The following PDE12 variants were observed in gnomAD, a reference collection of about 807,000 sequenced individuals.
PDE12 encodes the protein 2',5'-phosphodiesterase 12.
In PDE12, 26 loss-of-function variants were observed where a neutral mutation model predicts 45.4. The observed-to-expected ratio is 0.57, with a 90% CI of 0.42 to 0.79. The LOEUF (loss-of-function observed/expected upper bound fraction) is 0.79. PDE12 is among the 30% of genes least tolerant of loss of function. The pLI, the probability that PDE12 is intolerant of heterozygous loss-of-function variation, is 0.00. For missense variants in PDE12, 668 were observed against 790.0 expected (o/e 0.85, Z 1.85); for synonymous variants, 283 against 323.9 (o/e 0.87, Z 1.36).
the PDE12 span, chr3:57,597,003 C>T: frequency 2.6e-6 from 4 of 1,551,132 alleles, no homozygotes; most frequent in East Asian, 2.3e-5. Context: ...AAAAAACAGG[C>T]CCAGAGGCCA....
the PDE12 span, among the ~76,000 whole-genome samples, chr3:57,602,850 C>T: frequency 1.6e-4 from 24 of 152,220 alleles, no homozygotes; most frequent in South Asian, 3.9e-3. Context: ...AGATTACAGG[C>T]GTGAGCCACC....
the PDE12 span, among the ~76,000 whole-genome samples, chr3:57,609,562 A>C: frequency 6.6e-6 from 1 of 152,212 alleles, no homozygotes; most frequent in Non-Finnish European, 1.5e-5. Flanking sequence ...ATCACCACCA[A>C]TCCCACAGAA....
In PDE12 at chr3:57,557,135, A is replaced by T; in HGVS notation, c.756A>T (p.Pro252=). ...TAAGGCTCAAGCTTCACTGCACCCC[A>T]GGCGATGGGCAGCGCTTTGGGCACA... ...IGLRLKLHCT[P]GDGQRFGHSR... is the part of the protein sequence containing the mutation. The change falls in exon 1 of 3, where the codon CCA becomes CCT. Residue 252 remains proline (P), a synonymous_variant. Coordinates refer to ENST00000311180, the MANE Select transcript of PDE12 (RefSeq NM_177966.7). 1 of 1,614,006 alleles carries T rather than the reference A, an allele frequency of 6.2e-7. No homozygotes were observed. The highest frequency in any genetic ancestry group is 8.5e-7 in the Non-Finnish European group (1 of 1,179,994).
chr3:57,629,507 C>CTTT, the PDE12 span, among the ~76,000 whole-genome samples: 60 of 98,220 alleles, frequency 6.1e-4, no homozygotes, highest in African/African-American at 8.1e-4. Context: ...AATCAGTCCG[C>CTTT]TTTTTTTTTT....
the PDE12 span, among the ~76,000 whole-genome samples, chr3:57,575,024 T>C: frequency 6.6e-6 from 1 of 152,066 alleles, no homozygotes; most frequent in African/African-American, 2.4e-5. Context: ...TAATTTTGTA[T>C]TTTTAGTAGA....
At chr3:57,653,828 TG>T in the PDE12 span, among the ~76,000 whole-genome samples, 2 of 144,438 alleles carry the variant, frequency 1.4e-5, no homozygotes, top group African/African-American at 5.5e-5. Flanking sequence ...AGGAAATCAC[TG>T]GGTTTTTTTT....
At chr3:57,611,712 A>C in the PDE12 span, among the ~76,000 whole-genome samples, 2 of 152,280 alleles carry the variant, frequency 1.3e-5, no homozygotes, top group South Asian at 4.2e-4. Context: ...TTAGAATGGC[A>C]ATCATTAAAA....
At chr3:57,568,068 CAAAAAAAA>C (rs11360766), downstream of PDE12, among the ~76,000 whole-genome samples, 3 of 47,546 alleles carry the variant, frequency 6.3e-5, no homozygotes, top group East Asian at 6.2e-4. Flanking sequence ...GACTCCATCT[CAAAAAAAA>C]AAAAAAAAAA....
At chr3:57,632,666 C>A in the PDE12 span, among the ~76,000 whole-genome samples, 1 of 152,122 alleles carries the variant, frequency 6.6e-6, no homozygotes, top group Non-Finnish European at 1.5e-5. Context: ...CAAAAAGTTT[C>A]TCTATGATGC....
At chr3:57,574,857 T>C in the PDE12 span, among the ~76,000 whole-genome samples, 1 of 150,934 alleles carries the variant, frequency 6.6e-6, no homozygotes, top group African/African-American at 2.4e-5. Flanking sequence ...CCATCTCCAC[T>C]TTTTTTTTGA....
chr3:57,598,675 G>C, the PDE12 span, among the ~76,000 whole-genome samples: 2 of 152,260 alleles, frequency 1.3e-5, no homozygotes, highest in East Asian at 1.9e-4. Context: ...CAGCTACTCC[G>C]GAGGCTGAGG....
the PDE12 span, among the ~76,000 whole-genome samples, chr3:57,581,820 G>A: frequency 1.1e-4 from 16 of 152,218 alleles, no homozygotes; most frequent in Admixed American, 5.2e-4. Flanking sequence ...TGTCTAGAGG[G>A]TAGAGCACAT....
At chr3:57,624,469 T>G in the PDE12 span, among the ~76,000 whole-genome samples, 58,626 of 151,714 alleles carry the variant, frequency 0.39, 12,650 homozygotes, top group South Asian at 0.56. Flanking sequence ...TTTAAAAAAC[T>G]TTTTTTAGAG....
chr3:57,616,685 T>C, the PDE12 span, among the ~76,000 whole-genome samples: 1 of 152,162 alleles, frequency 6.6e-6, no homozygotes, highest in Non-Finnish European at 1.5e-5. Context: ...TTCCAACTCA[T>C]TCTGTGAAGC....
In PDE12 at chr3:57,562,017, A is replaced by G. The variant is rs763445198; in HGVS notation, c.*2013A>G. ...TTAACAGCAGTTTACAAATATGTAA[A>G]TAATAGATTAAAACCAAATCTTGAT... On this transcript the variant is annotated 3_prime_UTR_variant, in exon 3 of 3. Transcript: ENST00000311180. The G allele has an allele frequency of 1.7e-5, 17 of 981,906 alleles. No homozygotes were observed. The highest frequency in any genetic ancestry group is 1.9e-5 in the Non-Finnish European group (16 of 826,688). The allele number at this position is 981,906 out of a possible 1,614,324, so 60.8% of individuals were successfully genotyped here. A position where few individuals can be genotyped will look rare whatever the true frequency, so the allele number is the denominator to read the frequency against.
downstream of PDE12, among the ~76,000 whole-genome samples, chr3:57,570,219 GTTTTTTTTT>G (rs34599005): frequency 2.3e-3 from 235 of 102,332 alleles, 4 homozygotes; most frequent in African/African-American, 8.4e-3. Flanking sequence ...TTAATCCAGT[GTTTTTTTTT>G]TTTTTTTTTT....
chr3:57,589,477 T>G, the PDE12 span, among the ~76,000 whole-genome samples: 113,499 of 151,826 alleles, frequency 0.75, 44,511 homozygotes, highest in East Asian at 1. Flanking sequence ...CCCAGCACTT[T>G]GGGAGGCTGA....
chr3:57,606,879 C>G, the PDE12 span, among the ~76,000 whole-genome samples: 1 of 152,032 alleles, frequency 6.6e-6, no homozygotes, highest in African/African-American at 2.4e-5. Context: ...GCATTTCCAA[C>G]TGAGCTTTGA....
At chr3:57,602,455 G>T in the PDE12 span, among the ~76,000 whole-genome samples, 1 of 152,122 alleles carries the variant, frequency 6.6e-6, no homozygotes, top group Non-Finnish European at 1.5e-5. Flanking sequence ...GAAGGGGATT[G>T]GTATGTGAAT....
Sources: allele counts gnomAD v4.1 joint callset (sites outside exome capture counted in the v4.1 genomes callset), GRCh38; gene constraint gnomAD v4.1.1; transcripts MANE v1.5; gene names NCBI Gene and HGNC (gene_info 2026-07-23, HGNC 2026-07-21).